SUGCT: variants seen among roughly 807,000 people sequenced by gnomAD.
The protein encoded by SUGCT is succinyl-CoA:glutarate-CoA transferase, also known as succinyl-CoA:glutarate CoA-transferase.
Under a neutral mutation model 55.0 loss-of-function variants are expected in SUGCT, and 41 were observed. The observed-to-expected ratio is 0.74, with a 90% CI of 0.58 to 0.97. The LOEUF is 0.97. Ranked by LOEUF, SUGCT falls within the 50% of genes least tolerant of loss-of-function variation. The pLI is 0.00. For missense variants in SUGCT, 568 were observed against 547.8 expected (o/e 1.04, Z -0.37); for synonymous variants, 187 against 200.4 (o/e 0.93, Z 0.56).
chr7:40,582,571 G>T (rs1348049189), intron 12 of SUGCT, among the ~76,000 whole-genome samples: 1 of 152,110 alleles, frequency 6.6e-6, no homozygotes, highest in East Asian at 1.9e-4. Context: ...TAAGCTTGTG[G>T]CCCAAACTTG....
chr7:40,946,953 T>C, the SUGCT span, among the ~76,000 whole-genome samples: 1 of 152,248 alleles, frequency 6.6e-6, no homozygotes, highest in African/African-American at 2.4e-5. Context: ...TCATTGAGTT[T>C]ATCCTACTTA....
chr7:40,257,542 A>G (rs759921035), intron 7 of SUGCT, among the ~76,000 whole-genome samples: 5 of 152,168 alleles, frequency 3.3e-5, no homozygotes, highest in Non-Finnish European at 7.4e-5. Context: ...ACTAAAGTAA[A>G]TGTTAATATA....
chr7:40,140,062 C>T (rs1198148773), intron 1 of SUGCT, among the ~76,000 whole-genome samples: 1 of 151,942 alleles, frequency 6.6e-6, no homozygotes, highest in Non-Finnish European at 1.5e-5. Context: ...GCCACCATGC[C>T]CCGCGAATTT....
the SUGCT span, among the ~76,000 whole-genome samples, chr7:41,000,296 GCA>G: frequency 1.3e-5 from 2 of 151,916 alleles, no homozygotes; most frequent in East Asian, 1.9e-4. Context: ...ACACACACAC[GCA>G]CACACACATT....
chr7:40,831,272 C>A (rs1792649320), intron 13 of SUGCT, among the ~76,000 whole-genome samples: 1 of 152,182 alleles, frequency 6.6e-6, no homozygotes, highest in Non-Finnish European at 1.5e-5. Flanking sequence ...CTTCCCTCTC[C>A]TGCCCCCCTC....
intron 8 of SUGCT, among the ~76,000 whole-genome samples, chr7:40,276,965 A>G (rs561878378): frequency 3.9e-5 from 6 of 152,162 alleles, no homozygotes; most frequent in South Asian, 2.1e-4. Flanking sequence ...GGCTTTTCCA[A>G]TCCTTTGAGG....
intron 1 of SUGCT, chr7:40,151,591 AG>A: frequency 4.4e-6 from 1 of 227,704 alleles, no homozygotes. Flanking sequence ...GGACAGTGTT[AG>A]GGATCTTGGA....
intron 9 of SUGCT, among the ~76,000 whole-genome samples, chr7:40,436,200 C>T (rs1469601684): frequency 1.3e-5 from 2 of 152,072 alleles, no homozygotes; most frequent in African/African-American, 4.8e-5. Flanking sequence ...ACCTCTGCCT[C>T]CCAAAGTGCT....
At chr7:40,478,980 C>T (rs1393900678) in intron 11 of SUGCT, among the ~76,000 whole-genome samples, 1 of 151,994 alleles carries the variant, frequency 6.6e-6, no homozygotes, top group East Asian at 1.9e-4. Context: ...ATATTGTCCT[C>T]TGGGTTCATC....
At chr7:41,006,428 G>T in the SUGCT span, among the ~76,000 whole-genome samples, 1 of 151,756 alleles carries the variant, frequency 6.6e-6, no homozygotes, top group African/African-American at 2.4e-5. Context: ...AGAGCTACTT[G>T]AGTGCAAAAT....
the SUGCT span, among the ~76,000 whole-genome samples, chr7:40,885,695 C>A: frequency 6.6e-6 from 1 of 152,124 alleles, no homozygotes; most frequent in Non-Finnish European, 1.5e-5. Context: ...TTTTGATGAC[C>A]CCTGACGTCT....
chr7:40,213,157 G>A (rs1252905223), intron 6 of SUGCT, among the ~76,000 whole-genome samples: 10 of 151,978 alleles, frequency 6.6e-5, no homozygotes, highest in African/African-American at 2.4e-5. Flanking sequence ...AGAAAGACGC[G>A]TTAAAATCTT....
chr7:40,287,012 A>G (rs74478477), intron 8 of SUGCT, among the ~76,000 whole-genome samples: 2,530 of 152,272 alleles, frequency 0.017, 59 homozygotes, highest in African/African-American at 0.058. Context: ...GAAGGTTGAC[A>G]TGGCTTCTGG....
chr7:40,171,449 C>T (rs1784667133), intron 1 of SUGCT, among the ~76,000 whole-genome samples: 1 of 152,206 alleles, frequency 6.6e-6, no homozygotes, highest in Non-Finnish European at 1.5e-5. Flanking sequence ...AATGGAGTTC[C>T]TCCTAGGTCT....
the SUGCT span, among the ~76,000 whole-genome samples, chr7:40,868,967 A>G: frequency 6.6e-6 from 1 of 152,242 alleles, no homozygotes; most frequent in African/African-American, 2.4e-5. Flanking sequence ...TACTAATGTT[A>G]ACATTTTATA....
At chr7:40,243,888 A>G (rs973356210) in intron 7 of SUGCT, among the ~76,000 whole-genome samples, 2 of 152,136 alleles carry the variant, frequency 1.3e-5, no homozygotes, top group African/African-American at 4.8e-5. Context: ...TTGATGATGT[A>G]TAGGCAGAGT....
chr7:40,926,885 A>G, the SUGCT span, among the ~76,000 whole-genome samples: 4 of 152,330 alleles, frequency 2.6e-5, no homozygotes, highest in South Asian at 2.1e-4. Flanking sequence ...CAGTCTTTCC[A>G]TCAAGGCCAA....
intron 12 of SUGCT, among the ~76,000 whole-genome samples, chr7:40,522,285 A>C (rs181360602): frequency 1.3e-5 from 2 of 152,080 alleles, no homozygotes; most frequent in Non-Finnish European, 2.9e-5. Flanking sequence ...AGAGAAACCA[A>C]CTCTAACTGG....
At chr7:40,268,958 A>G (rs982844902) in intron 7 of SUGCT, among the ~76,000 whole-genome samples, 2 of 152,156 alleles carry the variant, frequency 1.3e-5, no homozygotes, top group Non-Finnish European at 2.9e-5. Context: ...TTTCTTGGGT[A>G]TATACCCCTT....
Sources: allele counts gnomAD v4.1 joint callset (sites outside exome capture counted in the v4.1 genomes callset), GRCh38; gene constraint gnomAD v4.1.1; transcripts MANE v1.5; gene names NCBI Gene and HGNC (gene_info 2026-07-23, HGNC 2026-07-21).